The following EBF1 variants were observed in gnomAD, a reference collection of about 807,000 sequenced individuals.
The protein encoded by EBF1 is EBF transcription factor 1, also known as transcription factor COE1.
A neutral mutation model predicts 68.4 loss-of-function variants in EBF1; 10 were observed. The observed-to-expected ratio is 0.15, with a 90% CI of 0.09 to 0.25. The LOEUF (loss-of-function observed/expected upper bound fraction) is 0.25. Among genes scored for constraint, EBF1 ranks in the 10% least tolerant of loss-of-function variants. The pLI, the probability that EBF1 is intolerant of heterozygous loss-of-function variation, is 1.00. For missense variants in EBF1, 509 were observed against 794.4 expected (o/e 0.64, Z 4.32); for synonymous variants, 298 against 299.8 (o/e 0.99, Z 0.06).
chr5:158,886,637 TAAC>T (rs1320602397), intron 6 of EBF1, among the ~76,000 whole-genome samples: 8 of 152,214 alleles, frequency 5.3e-5, no homozygotes, highest in African/African-American at 1.4e-4. Context: ...ACTAGGAGAT[TAAC>T]AACATGTACA....
intron 6 of EBF1, among the ~76,000 whole-genome samples, chr5:158,915,810 T>C (rs1807075741): frequency 6.6e-6 from 1 of 152,192 alleles, no homozygotes. Context: ...AAGCTTGCTT[T>C]ATCTTTTCTA....
chr5:158,807,270 G>A (rs1220526669), intron 8 of EBF1, among the ~76,000 whole-genome samples: 1 of 152,104 alleles, frequency 6.6e-6, no homozygotes. Context: ...TGCTCACAGG[G>A]CTAGGCAGGA....
rs1771196020 is a variant in EBF1, at chr5:159,041,502, T to C, written c.554+31894A>G. ...TGTATTTCATTTCTTTGAATGACAT[T>C]TACTTTGATTTTCTTTCTGCATTTT... is the stretch of plus-strand genomic sequence containing the variant. On this transcript the variant is annotated intron_variant, in intron 6 of 15. Transcript: ENST00000313708. Among the ~76,000 whole-genome samples, 2 of 152,230 alleles carry C rather than the reference T, an allele frequency of 1.3e-5. 1 individual carries two copies. Among genetic ancestry groups the C allele is most frequent in the East Asian group, 3.8e-4 (2 of 5,208 alleles).
At chr5:158,936,611 C>T (rs941726425) in intron 6 of EBF1, among the ~76,000 whole-genome samples, 3 of 152,202 alleles carry the variant, frequency 2.0e-5, no homozygotes, top group Non-Finnish European at 2.9e-5. Flanking sequence ...CAATCCACAA[C>T]AAGAATGAGA....
At chr5:159,082,076 A>G (rs989330481) in intron 5 of EBF1, among the ~76,000 whole-genome samples, 4 of 152,080 alleles carry the variant, frequency 2.6e-5, no homozygotes, top group Non-Finnish European at 5.9e-5. Flanking sequence ...ACAGAACACA[A>G]TGGATTTTAA....
chr5:158,918,820 A>C (rs1807776860), intron 6 of EBF1, among the ~76,000 whole-genome samples: 1 of 152,264 alleles, frequency 6.6e-6, no homozygotes, highest in Non-Finnish European at 1.5e-5. Context: ...AGGGCAAGTT[A>C]CTGTCCAATA....
At chr5:158,867,647 A>G (rs1796170921) in intron 6 of EBF1, among the ~76,000 whole-genome samples, 1 of 94,538 alleles carries the variant, frequency 1.1e-5, no homozygotes, top group Non-Finnish European at 2.6e-5. Flanking sequence ...TAGGGCAGAC[A>G]ATTCTCACCT....
intron 6 of EBF1, among the ~76,000 whole-genome samples, chr5:158,939,792 A>T (rs1315100632): frequency 2.0e-5 from 3 of 152,118 alleles, no homozygotes; most frequent in African/African-American, 7.2e-5. Flanking sequence ...CCTACCTCAG[A>T]AATCATCTAA....
intron 6 of EBF1, among the ~76,000 whole-genome samples, chr5:158,973,945 A>G (rs1583586925): frequency 6.6e-6 from 1 of 152,170 alleles, no homozygotes; most frequent in East Asian, 1.9e-4. Flanking sequence ...CCCTGAGGAA[A>G]TGCACAGACA....
rs577744974 is a variant in EBF1, at chr5:158,756,339, C to T, written c.1036+21074G>A. On this transcript the variant is annotated intron_variant, in intron 10 of 15. Coordinates refer to ENST00000313708, the MANE Select transcript of EBF1 (RefSeq NM_024007.5). ...AATCAGTCATCTTGACCTGTGATCA[C>T]AGGAAAAGGCAGACAAAACTGGGAG... is the stretch of plus-strand genomic sequence containing the variant. Among the ~76,000 whole-genome samples the T allele has an allele frequency of 4.6e-5, 7 of 151,984 alleles. No homozygotes were observed. In the South Asian group the frequency reaches 1.5e-3, roughly 32 times the overall value.
intron 6 of EBF1, among the ~76,000 whole-genome samples, chr5:158,975,703 C>G (rs1756594976): frequency 6.6e-6 from 1 of 152,194 alleles, no homozygotes; most frequent in African/African-American, 2.4e-5. Context: ...GAAACTTATC[C>G]ACAGCCACAT....
chr5:158,932,562 T>C (rs889881964), intron 6 of EBF1, among the ~76,000 whole-genome samples: 2 of 152,220 alleles, frequency 1.3e-5, no homozygotes, highest in Non-Finnish European at 2.9e-5. Context: ...ATTTTAAATA[T>C]GAAAATTATA....
At chr5:158,808,042 G>C (rs1209906046) in intron 8 of EBF1, among the ~76,000 whole-genome samples, 1 of 152,082 alleles carries the variant, frequency 6.6e-6, no homozygotes, top group Non-Finnish European at 1.5e-5. Context: ...TTATCATTTT[G>C]AGCCAGTTTC....
chr5:158,843,584 C>G (rs965676747), intron 6 of EBF1, among the ~76,000 whole-genome samples: 1 of 152,192 alleles, frequency 6.6e-6, no homozygotes, highest in African/African-American at 2.4e-5. Flanking sequence ...GACCATCTGT[C>G]GTGGGGAAGA....
At chr5:158,701,125 T>C (rs1299593543) in intron 15 of EBF1, among the ~76,000 whole-genome samples, 1 of 152,190 alleles carries the variant, frequency 6.6e-6, no homozygotes, top group African/African-American at 2.4e-5. Context: ...TCCAGGCACC[T>C]TTATTAAAGA....
chr5:158,918,829 T>A (rs1488569035), intron 6 of EBF1, among the ~76,000 whole-genome samples: 2 of 152,208 alleles, frequency 1.3e-5, no homozygotes, highest in Non-Finnish European at 2.9e-5. Context: ...TACTGTCCAA[T>A]AGGAAGCTCC....
intron 6 of EBF1, among the ~76,000 whole-genome samples, chr5:159,055,190 T>C (rs1332749042): frequency 2.0e-5 from 3 of 152,216 alleles, no homozygotes; most frequent in Non-Finnish European, 4.4e-5. Flanking sequence ...ATTTACCTTA[T>C]AGTACATGCT....
chr5:158,913,830 C>T (rs565985267), intron 6 of EBF1, among the ~76,000 whole-genome samples: 20 of 152,230 alleles, frequency 1.3e-4, no homozygotes, highest in Middle Eastern at 6.8e-3. Context: ...AAATATGCTC[C>T]GCAAATAAAA....
intron 6 of EBF1, among the ~76,000 whole-genome samples, chr5:159,039,683 T>C (rs1770794178): frequency 6.6e-6 from 1 of 152,250 alleles, no homozygotes; most frequent in Non-Finnish European, 1.5e-5. Context: ...AGCGGTTTTG[T>C]CATGAAACTT....
Sources: allele counts gnomAD v4.1 joint callset (sites outside exome capture counted in the v4.1 genomes callset), GRCh38; gene constraint gnomAD v4.1.1; transcripts MANE v1.5; gene names NCBI Gene and HGNC (gene_info 2026-07-23, HGNC 2026-07-21).